LOC112694756: variants seen among roughly 807,000 people sequenced by gnomAD.
At chr16:30,067,282 C>T in the LOC112694756 span, 5 of 1,612,576 alleles carry the variant, frequency 3.1e-6, no homozygotes, top group Non-Finnish European at 4.2e-6. Flanking sequence ...AGCACTGACC[C>T]CGGAGCAGAA....
the LOC112694756 span, among the ~76,000 whole-genome samples, chr16:30,061,501 C>T: frequency 6.6e-6 from 1 of 151,366 alleles, no homozygotes; most frequent in African/African-American, 2.4e-5. Flanking sequence ...GACTGTACAT[C>T]CCAGCTCCAT....
the LOC112694756 span, chr16:30,069,182 T>G: frequency 7.4e-7 from 1 of 1,357,926 alleles, no homozygotes; most frequent in South Asian, 1.2e-5. Flanking sequence ...TCCTGTAATC[T>G]GAGGGCTTTG....
At chr16:30,065,558 G>A in the LOC112694756 span, 1 of 152,352 alleles carries the variant, frequency 6.6e-6, no homozygotes, top group Non-Finnish European at 1.5e-5. Context: ...GATGTGGTCC[G>A]AGTCACGTCC....
At chr16:30,067,312 G>A in the LOC112694756 span, 24 of 1,613,060 alleles carry the variant, frequency 1.5e-5, no homozygotes, top group African/African-American at 2.0e-4. Context: ...GTCTGACATC[G>A]CTCACCGCAT....
chr16:30,068,819 G>A, the LOC112694756 span: 1 of 1,614,232 alleles, frequency 6.2e-7, no homozygotes, highest in Non-Finnish European at 8.5e-7. Context: ...TTCTCTTAGG[G>A]TTGGATGGGC....
At chr16:30,070,250 C>T in the LOC112694756 span, 10 of 1,600,774 alleles carry the variant, frequency 6.2e-6, no homozygotes, top group Non-Finnish European at 8.6e-6. Flanking sequence ...CACTCCAGGC[C>T]CTGCCCCCTC....
At chr16:30,055,498 G>A in the LOC112694756 span, among the ~76,000 whole-genome samples, 1 of 152,168 alleles carries the variant, frequency 6.6e-6, no homozygotes, top group Non-Finnish European at 1.5e-5. Flanking sequence ...GATAATGCCT[G>A]GTGATGAAAG....
At chr16:30,066,745 A>T in the LOC112694756 span, 1 of 913,240 alleles carries the variant, frequency 1.1e-6, no homozygotes, top group Non-Finnish European at 1.6e-6. Flanking sequence ...TTCTAATCTC[A>T]GATCTGGCTC....
chr16:30,064,464 C>T, the LOC112694756 span: 2 of 398,718 alleles, frequency 5.0e-6, no homozygotes, highest in Non-Finnish European at 8.8e-6. Context: ...AACCAAGGGC[C>T]TCCGTCTGGA....
chr16:30,067,147 C>G, the LOC112694756 span: 17 of 1,592,562 alleles, frequency 1.1e-5, no homozygotes, highest in Non-Finnish European at 1.4e-5. Flanking sequence ...GAACATTTCC[C>G]TGACCTCCAG....
At chr16:30,053,757 T>TG in the LOC112694756 span, among the ~76,000 whole-genome samples, 1 of 152,018 alleles carries the variant, frequency 6.6e-6, no homozygotes. Flanking sequence ...GGAAACAGTC[T>TG]GGGGGTGAGA....
At chr16:30,057,167 CCTAAAGTG>C in the LOC112694756 span, among the ~76,000 whole-genome samples, 1 of 152,108 alleles carries the variant, frequency 6.6e-6, no homozygotes, top group Non-Finnish European at 1.5e-5. Context: ...GCCTCGGCCT[CCTAAAGTG>C]CTGGAATTAC....
At chr16:30,061,396 A>C in the LOC112694756 span, among the ~76,000 whole-genome samples, 1 of 152,042 alleles carries the variant, frequency 6.6e-6, no homozygotes, top group Non-Finnish European at 1.5e-5. Flanking sequence ...CTCAGTGGAG[A>C]ATATGGGATG....
At chr16:30,058,044 T>C in the LOC112694756 span, among the ~76,000 whole-genome samples, 1 of 152,262 alleles carries the variant, frequency 6.6e-6, no homozygotes, top group African/African-American at 2.4e-5. Flanking sequence ...TCTGTCTATT[T>C]GAAGTGAATA....
chr16:30,068,677 C>A, the LOC112694756 span: 1 of 1,614,206 alleles, frequency 6.2e-7, no homozygotes, highest in Non-Finnish European at 8.5e-7. Context: ...CTGGCAGGGA[C>A]AAATGGCGAG....
At chr16:30,066,905 G>A in the LOC112694756 span, 2 of 1,550,034 alleles carry the variant, frequency 1.3e-6, no homozygotes, top group Middle Eastern at 1.7e-4. Flanking sequence ...CCCATGGCAA[G>A]GCGCAAGCCA....
chr16:30,058,843 A>C, the LOC112694756 span: 2 of 393,840 alleles, frequency 5.1e-6, no homozygotes, highest in African/African-American at 4.1e-5. Flanking sequence ...TCATTCATTG[A>C]CTCACTCACC....
At chr16:30,062,952 T>C in the LOC112694756 span, among the ~76,000 whole-genome samples, 1 of 152,106 alleles carries the variant, frequency 6.6e-6, no homozygotes, top group East Asian at 1.9e-4. Flanking sequence ...GAGACCAGCC[T>C]GACCAACATG....
chr16:30,059,842 C>G, the LOC112694756 span, among the ~76,000 whole-genome samples: 1 of 151,536 alleles, frequency 6.6e-6, no homozygotes, highest in African/African-American at 2.4e-5. Context: ...CGATTACATA[C>G]AGGCGTGAGT....
Sources: gnomAD v4.1 joint callset for allele counts (sites outside exome capture counted in the v4.1 genomes callset) on GRCh38, gnomAD v4.1.1 for gene constraint, MANE v1.5 for transcripts.